The following NFIX variants were observed in gnomAD, a reference collection of about 807,000 sequenced individuals.
NFIX encodes nuclear factor I X.
Under a neutral mutation model 53.3 loss-of-function variants are expected in NFIX, and 2 were observed. That is an observed-to-expected ratio of 0.04 (90% CI 0.02 to 0.12). The LOEUF is 0.12. Ranked by LOEUF, NFIX falls within the 10% of genes least tolerant of loss-of-function variation. NFIX has a pLI of 1.00. For synonymous variants in NFIX, 244 were observed against 289.0 expected (o/e 0.84, Z 1.58); for missense variants, 310 against 674.5 (o/e 0.46, Z 5.99).
chr19:13,033,616 C>G (rs528706263), intron 2 of NFIX, among the ~76,000 whole-genome samples: 2 of 152,382 alleles, frequency 1.3e-5, no homozygotes, highest in African/African-American at 4.8e-5. Flanking sequence ...TGGGCATGCC[C>G]TTGGTCTCTA....
chr19:13,073,456 C>T lies in NFIX; in HGVS notation c.657C>T (p.Ser219=), dbSNP rs759919019. The change falls in exon 4 of 11, where the codon TCC becomes TCT. Residue 219 remains serine, a synonymous_variant. Transcript: ENST00000592199. The surrounding 1 kb of genome is among the most constrained non-coding windows in gnomAD (Gnocchi z 4.5). ...GTTTCCAGGACTGTTTTGTGACTTCCGGGGTCTGGAATGTGACGGAGCTGG... is the reference window on the plus strand; with the variant it reads ...GTTTCCAGGACTGTTTTGTGACTTCTGGGGTCTGGAATGTGACGGAGCTGG... ...HLSFQDCFVT[S]GVWNVTELVR... 27 of 1,613,842 alleles carry T rather than the reference C, an allele frequency of 1.7e-5. No homozygotes were observed. Among genetic ancestry groups the T allele is most frequent in the East Asian group, 4.5e-5 (2 of 44,894 alleles).
At chr19:13,007,032 CG>C (rs1211806377) in intron 1 of NFIX, among the ~76,000 whole-genome samples, 1 of 152,214 alleles carries the variant, frequency 6.6e-6, no homozygotes, top group Admixed American at 6.5e-5. Context: ...CTGGAAGGGC[CG>C]GGCTGCCTCT....
chr19:12,995,820 C>G lies in NFIX; in HGVS notation c.-18C>G. The G allele has an allele frequency of 1.2e-5, 12 of 997,806 alleles. No homozygotes were observed. The highest frequency in any genetic ancestry group is 1.4e-5 in the Non-Finnish European group (12 of 840,590). The allele number at this position is 997,806 out of a possible 1,614,324, so 61.8% of individuals were successfully genotyped here. ...CTCGCCGCGGCCGGCCGCCGCGCTC[C>G]CGCCCGGGCGCCCAGCTATGTACTC... On this transcript the variant is annotated 5_prime_UTR_variant, in exon 1 of 11. Transcript: ENST00000592199.
rs2015420197 is a variant in NFIX at position 13,052,977 on chromosome 19, G to A, written c.560-20070G>A. The stretch of plus-strand genomic sequence containing the variant: ...CCTCCATCCCCACTTGAAGCTGCTG[G>A]TACTGCCTCTGGCCATCCAGCCTTA... On this transcript the variant is annotated intron_variant, in intron 2 of 10. Coordinates refer to ENST00000592199, the MANE Select transcript of NFIX (RefSeq NM_001365902.3). This position sits in a 1 kb window ranked among gnomAD's most constrained non-coding sequence, Gnocchi z 5.2. Among the ~76,000 whole-genome samples, 2 of 152,192 alleles carry A rather than the reference G, an allele frequency of 1.3e-5. No individual in the cohort carries two copies. Among genetic ancestry groups the A allele is most frequent in the South Asian group, 4.1e-4 (2 of 4,822 alleles).
rs375357111 is a variant in NFIX, at chr19:13,003,277, C to T, written c.27+7413C>T. Among the ~76,000 whole-genome samples the T allele has an allele frequency of 7.9e-5, 12 of 152,244 alleles. No homozygotes were observed. The South Asian group carries it at 2.3e-3, about 29-fold the overall frequency. On this transcript the variant is annotated intron_variant, in intron 1 of 10. Transcript: ENST00000592199. Reference sequence around the variant, plus strand: ...TCACTCACAGACACCTTGAGGCACCCGGCCACACCCGAACACATCGATGCG... The same window carrying T: ...TCACTCACAGACACCTTGAGGCACCTGGCCACACCCGAACACATCGATGCG...
In NFIX at chr19:12,995,753, G is replaced by GGAGCCC. The variant is rs1254641225; in HGVS notation, c.-74_-69dup. 320 of 459,808 alleles carry GGAGCCC rather than the reference G, an allele frequency of 7.0e-4. 2 individuals carry two copies. The highest frequency in any genetic ancestry group is 6.4e-4 in the Non-Finnish European group (228 of 353,790). 28.5% of individuals were successfully genotyped at this position (459,808 alleles called of 1,614,324 possible). A position where few individuals can be genotyped will look rare whatever the true frequency, so the allele number is the denominator to read the frequency against. On this transcript the variant is annotated 5_prime_UTR_variant, in exon 1 of 11. Coordinates refer to ENST00000592199, the MANE Select transcript of NFIX (RefSeq NM_001365902.3). ...CGGCGGAGGCCGGAGGAGCCGAGCC[G>GGAGCCC]GAGCCCGAGCCCGAGCGCGGCCGCC...
In NFIX at chr19:13,078,839, C is replaced by T; in HGVS notation, c.1078+104C>T. 7.5e-7 allele frequency: 1 copy of T among 1,329,526 alleles called. No homozygotes were observed. The highest frequency in any genetic ancestry group is 2.7e-4 in the Middle Eastern group (1 of 3,726). 82.4% of individuals were successfully genotyped at this position (1,329,526 alleles called of 1,614,324 possible). A position where few individuals can be genotyped will look rare whatever the true frequency, so the allele number is the denominator to read the frequency against. The stretch of plus-strand genomic sequence containing the variant: ...CCAGAGCTGACCCCGAGTGACAGCC[C>T]CACGCTCTCCAAGTGGGCCAAGGTG... On this transcript the variant is annotated intron_variant, in intron 7 of 10. Coordinates refer to ENST00000592199, the MANE Select transcript of NFIX (RefSeq NM_001365902.3). This position sits in a 1 kb window ranked among gnomAD's most constrained non-coding sequence, Gnocchi z 4.7.
In NFIX at chr19:13,013,064, TA is replaced by T. The variant is rs34763159; in HGVS notation, c.28-11947del. On this transcript the variant is annotated intron_variant, in intron 1 of 10. Transcript: ENST00000592199. This position sits in a 1 kb window ranked among gnomAD's most constrained non-coding sequence, Gnocchi z 5.9. Reference sequence around the variant, plus strand: ...GGGCCGCGGGGAGTTGCGCAGACTCTAAAAAAAAAACCTTTAAAAACCCAAA... The same window carrying T: ...GGGCCGCGGGGAGTTGCGCAGACTCTAAAAAAAAACCTTTAAAAACCCAAA... Among the ~76,000 whole-genome samples, 4 of 147,810 alleles carry T rather than the reference TA, an allele frequency of 2.7e-5. No homozygotes were observed. The highest frequency in any genetic ancestry group is 3.0e-5 in the Non-Finnish European group (2 of 66,772).
chr19:13,044,145 T>C (rs1446939882), intron 2 of NFIX, among the ~76,000 whole-genome samples: 1 of 152,142 alleles, frequency 6.6e-6, no homozygotes, highest in Non-Finnish European at 1.5e-5. Context: ...GGGAGCTGCC[T>C]CAAGACTCCT....
intron 1 of NFIX, among the ~76,000 whole-genome samples, chr19:12,997,166 C>T (rs920175568): frequency 2.0e-5 from 3 of 152,262 alleles, no homozygotes; most frequent in African/African-American, 7.2e-5. Context: ...ATGGCTCCTA[C>T]TTTGTCTGGG....
chr19:13,010,471 C>T (rs968686094), intron 1 of NFIX, among the ~76,000 whole-genome samples: 1 of 152,258 alleles, frequency 6.6e-6, no homozygotes, highest in Non-Finnish European at 1.5e-5. Flanking sequence ...CCGGCGCCCC[C>T]AGTCGGGATC....
intron 1 of NFIX, among the ~76,000 whole-genome samples, chr19:13,010,506 C>T (rs933046159): frequency 1.3e-5 from 2 of 152,264 alleles, no homozygotes; most frequent in Non-Finnish European, 2.9e-5. Flanking sequence ...CTTATATGCG[C>T]ACCTAGGCCT....
At chr19:13,026,284 C>T (rs1017001949) in intron 2 of NFIX, among the ~76,000 whole-genome samples, 3 of 151,922 alleles carry the variant, frequency 2.0e-5, no homozygotes, top group Non-Finnish European at 4.4e-5. Flanking sequence ...TGCCCACAGC[C>T]CTGGCACTGG....
intron 2 of NFIX, among the ~76,000 whole-genome samples, chr19:13,056,764 T>C (rs1052260186): frequency 1.2e-4 from 18 of 152,192 alleles, no homozygotes; most frequent in Non-Finnish European, 2.9e-5. Flanking sequence ...AAATGCAAAC[T>C]CAGGGCACCT....
At chr19:13,092,760 C>T (rs1036719834) in intron 10 of NFIX, among the ~76,000 whole-genome samples, 4 of 152,246 alleles carry the variant, frequency 2.6e-5, no homozygotes, top group Non-Finnish European at 1.5e-5. Flanking sequence ...GCGCTTCCCA[C>T]CCCCGGGCCT....
At chr19:13,015,744 T>C (rs989455099) in intron 1 of NFIX, among the ~76,000 whole-genome samples, 1 of 151,904 alleles carries the variant, frequency 6.6e-6, no homozygotes, top group African/African-American at 2.4e-5. Flanking sequence ...CGCTGCACAG[T>C]TGGTTGCCCT....
At chr19:13,056,779 C>G (rs888061061) in intron 2 of NFIX, among the ~76,000 whole-genome samples, 1 of 152,220 alleles carries the variant, frequency 6.6e-6, no homozygotes, top group Non-Finnish European at 1.5e-5. Flanking sequence ...GCACCTTGTT[C>G]AAAAATTAAG....
chr19:13,009,883 T>C lies in NFIX; in HGVS notation c.27+14019T>C, dbSNP rs1450083242. 6.6e-6 allele frequency among the ~76,000 whole-genome samples: 1 copy of C among 152,070 alleles called. No individual in the cohort carries two copies. The highest frequency in any genetic ancestry group is 6.5e-5 in the Admixed American group (1 of 15,280). On this transcript the variant is annotated intron_variant, in intron 1 of 10. Transcript: ENST00000592199. This position sits in a 1 kb window ranked among gnomAD's most constrained non-coding sequence, Gnocchi z 4.7. Reference sequence around the variant, plus strand: ...TGTGGTCCTTTGGGGGATTTGGTGGTAGAACGGGGCCGGGGGTCTTCAAAG... The same window carrying C: ...TGTGGTCCTTTGGGGGATTTGGTGGCAGAACGGGGCCGGGGGTCTTCAAAG...
rs1435471546 is a variant in NFIX at position 13,037,665 on chromosome 19, A to G, written c.559+12113A>G. ...CTCGTCCTGGTTTGCTCAGAGTTTCACAGCCCCTCACCTCGGTAAACCCCT... is the reference window on the plus strand; with the variant it reads ...CTCGTCCTGGTTTGCTCAGAGTTTCGCAGCCCCTCACCTCGGTAAACCCCT... On this transcript the variant is annotated intron_variant, in intron 2 of 10. Coordinates refer to ENST00000592199, the MANE Select transcript of NFIX (RefSeq NM_001365902.3). The surrounding 1 kb of genome is among the most constrained non-coding windows in gnomAD (Gnocchi z 4.2). Among the ~76,000 whole-genome samples the G allele has an allele frequency of 6.6e-6, 1 of 152,178 alleles. No individual in the cohort carries two copies. Among genetic ancestry groups the G allele is most frequent in the Admixed American group, 6.5e-5 (1 of 15,288 alleles).
Sources: allele counts gnomAD v4.1 joint callset (sites outside exome capture counted in the v4.1 genomes callset), GRCh38; gene constraint gnomAD v4.1.1; non-coding constraint Gnocchi (gnomAD v3.1); transcripts MANE v1.5; gene names NCBI Gene and HGNC (gene_info 2026-07-23, HGNC 2026-07-21).